Variants in DNAAF4 observed in about 807,000 individuals in gnomAD.
DNAAF4 encodes the protein dynein axonemal assembly factor 4.
In DNAAF4, 43 loss-of-function variants were observed where a neutral mutation model predicts 51.8. The observed-to-expected ratio is 0.83, with a 90% CI of 0.65 to 1.07. The LOEUF (loss-of-function observed/expected upper bound fraction) is 1.07. DNAAF4 is among the 50% of genes least tolerant of loss of function. The pLI, the probability that DNAAF4 is intolerant of heterozygous loss-of-function variation, is 0.00. For missense variants in DNAAF4, 581 were observed against 493.0 expected (o/e 1.18, Z -1.69); for synonymous variants, 194 against 165.6 (o/e 1.17, Z -1.32).
At position 55,430,360 on chromosome 15, in the gene DNAAF4, A is replaced by T; in HGVS notation, c.*310T>A. The T allele has an allele frequency of 4.1e-6, 4 of 983,970 alleles. No individual in the cohort carries two copies. The highest frequency in any genetic ancestry group is 4.8e-6 in the Non-Finnish European group (4 of 827,236). The allele number at this position is 983,970 out of a possible 1,614,324, so 61.0% of individuals were successfully genotyped here. A position where few individuals can be genotyped will look rare whatever the true frequency, so the allele number is the denominator to read the frequency against. ...TCTACCTTGTTAAAAATTAATCAGT[A>T]AGTGTCCTGGTAACTATACCAAAAC... On this transcript the variant is annotated 3_prime_UTR_variant, in exon 10 of 10. Transcript: ENST00000321149.
chr15:55,487,214 G>C (rs952311005), intron 4 of DNAAF4, among the ~76,000 whole-genome samples: 1 of 152,100 alleles, frequency 6.6e-6, no homozygotes, highest in Non-Finnish European at 1.5e-5. Flanking sequence ...TCAGCGCTCT[G>C]TGTCTAGCTA....
intron 5 of DNAAF4, among the ~76,000 whole-genome samples, chr15:55,451,491 C>CAAATAAATG (rs1329454865): frequency 5.3e-5 from 8 of 152,242 alleles, no homozygotes; most frequent in African/African-American, 1.9e-4. Context: ...ATACATTACT[C>CAAATAAATG]AAATAAATGT....
chr15:55,426,409 T>A (rs2057431105), downstream of DNAAF4, among the ~76,000 whole-genome samples: 1 of 152,194 alleles, frequency 6.6e-6, no homozygotes, highest in Non-Finnish European at 1.5e-5. Context: ...TGTTTCCAAC[T>A]ATAATCTATA....
chr15:55,435,923 G>C (rs2057601006), intron 7 of DNAAF4, among the ~76,000 whole-genome samples: 1 of 152,074 alleles, frequency 6.6e-6, no homozygotes, highest in Non-Finnish European at 1.5e-5. Context: ...TGAGTAGCTG[G>C]GATTACAGGC....
chr15:55,439,902 A>G (rs2057680333), intron 6 of DNAAF4, among the ~76,000 whole-genome samples: 1 of 152,166 alleles, frequency 6.6e-6, no homozygotes, highest in South Asian at 2.1e-4. Context: ...GGTGTCCGCA[A>G]GTTATGATGA....
At chr15:55,434,867 T>C in intron 8 of DNAAF4, 38 bp downstream of exon 8, 1 of 1,442,974 alleles carries the variant, frequency 6.9e-7, no homozygotes, top group South Asian at 1.5e-5. Flanking sequence ...TAGAAGGATA[T>C]ATTTAAAGCA....
At chr15:55,473,530 C>G (rs1159534416) in intron 4 of DNAAF4, among the ~76,000 whole-genome samples, 1 of 149,416 alleles carries the variant, frequency 6.7e-6, no homozygotes, top group East Asian at 2.0e-4. Flanking sequence ...TATAATACAC[C>G]TTGATCAAAT....
In DNAAF4 at chr15:55,492,625, C is replaced by T. The variant is rs569553789; in HGVS notation, c.272-1369G>A. Among the ~76,000 whole-genome samples the T allele has an allele frequency of 7.9e-5, 12 of 152,046 alleles. No individual in the cohort carries two copies. In the South Asian group the frequency reaches 2.3e-3, roughly 29 times the overall value. On this transcript the variant is annotated intron_variant, in intron 3 of 9. Transcript: ENST00000321149. ...TCCGATCTCAGCTCACTGCAACCCC[C>T]GCCTCCTGGGTTCAAGCAATTCTCC...
chr15:55,473,374 T>A (rs1034601265), intron 4 of DNAAF4, among the ~76,000 whole-genome samples: 7 of 147,612 alleles, frequency 4.7e-5, no homozygotes, highest in African/African-American at 1.7e-4. Flanking sequence ...TGTGTGTATA[T>A]ATATATATAT....
At position 55,480,440 on chromosome 15, in the gene DNAAF4, G is replaced by A. The variant is rs554518679; in HGVS notation, c.405+10683C>T. Among the ~76,000 whole-genome samples the A allele has an allele frequency of 7.9e-5, 12 of 152,190 alleles. No individual in the cohort carries two copies. In the South Asian group the frequency reaches 1.7e-3, roughly 21 times the overall value. ...CAAGCTAACCTACATGTTCATCATA[G>A]AGAACAATTTTTGTCTTGAAAAACA... is the stretch of plus-strand genomic sequence containing the variant. On this transcript the variant is annotated intron_variant, in intron 4 of 9. Coordinates refer to ENST00000321149, the MANE Select transcript of DNAAF4 (RefSeq NM_130810.4).
downstream of DNAAF4, among the ~76,000 whole-genome samples, chr15:55,427,313 G>A (rs368717250): frequency 1.5e-4 from 23 of 152,148 alleles, 1 homozygote; most frequent in Admixed American, 7.2e-4. Flanking sequence ...TGATCCACTC[G>A]CCTAAGCCTC....
chr15:55,496,457 T>G (rs1173615125), intron 3 of DNAAF4, among the ~76,000 whole-genome samples: 3 of 152,178 alleles, frequency 2.0e-5, no homozygotes, highest in Admixed American at 2.0e-4. Flanking sequence ...TGCCAGTCAC[T>G]AGCTGTGTGA....
chr15:55,475,998 A>G (rs1422635007), intron 4 of DNAAF4, among the ~76,000 whole-genome samples: 2 of 152,224 alleles, frequency 1.3e-5, no homozygotes, highest in Non-Finnish European at 2.9e-5. Context: ...AATGGATAGA[A>G]GACAATGAAA....
Position 55,498,223 on chromosome 15 carries a change from G to T in DNAAF4, c.107C>A (p.Thr36Lys). The T allele has an allele frequency of 6.2e-7, 1 of 1,613,938 alleles. No homozygotes were observed. The highest frequency in any genetic ancestry group is 8.5e-7 in the Non-Finnish European group (1 of 1,179,934). Residue 36 changes from threonine to lysine, a missense_variant, in exon 2 of 10, where the codon ACG (threonine) becomes AAG (lysine). Coordinates refer to ENST00000321149, the MANE Select transcript of DNAAF4 (RefSeq NM_130810.4). ...VCVRDTDVFC[T>K]ENYLKVNFPP... The stretch of plus-strand genomic sequence containing the variant: ...CATTCTTACCTTCAGATAGTTTTCC[G>T]TGCAGAACACGTCCGTGTCTCTGAC...
At chr15:55,487,645 C>T (rs545415240) in intron 4 of DNAAF4, among the ~76,000 whole-genome samples, 2 of 152,002 alleles carry the variant, frequency 1.3e-5, no homozygotes, top group East Asian at 1.9e-4. Flanking sequence ...AGCAAGACCA[C>T]GAACCTACCG....
At position 55,503,082 on chromosome 15, in the gene DNAAF4, A is replaced by G. The variant is rs191008447; in HGVS notation, c.-255-4498T>C. Among the ~76,000 whole-genome samples the G allele has an allele frequency of 5.4e-3, 819 of 152,306 alleles. 6 individuals carry two copies. The highest frequency in any genetic ancestry group is 0.012 in the South Asian group (60 of 4,824). On this transcript the variant is annotated intron_variant, in intron 1 of 9. Coordinates refer to ENST00000321149, the MANE Select transcript of DNAAF4 (RefSeq NM_130810.4). The stretch of plus-strand genomic sequence containing the variant: ...AATCAAATAGACGCAATAAAAAATG[A>G]TAAACGGGATATCACCACCGATACC...
Position 55,467,720 on chromosome 15 carries a change from C to A in DNAAF4, c.406-559G>T, listed in dbSNP as rs115183389. Among the ~76,000 whole-genome samples, 1,390 of 152,208 alleles carry A rather than the reference C, an allele frequency of 9.1e-3. 18 individuals are homozygous for A. Among genetic ancestry groups the A allele is most frequent in the African/African-American group, 0.031 (1,308 of 41,546 alleles). ...GAAGGATGAACAAGACGGTCTGTCT[C>A]TGCTGGGTGGAAATATTTGAAGTCT... On this transcript the variant is annotated intron_variant, in intron 4 of 9. Transcript: ENST00000321149.
At chr15:55,507,511 A>C (rs1372434362) in intron 1 of DNAAF4, among the ~76,000 whole-genome samples, 1 of 152,204 alleles carries the variant, frequency 6.6e-6, no homozygotes, top group Non-Finnish European at 1.5e-5. Flanking sequence ...TTTCTACTGA[A>C]TGCATATAGC....
intron 6 of DNAAF4, among the ~76,000 whole-genome samples, chr15:55,446,612 C>G (rs1446430497): frequency 7.5e-6 from 1 of 133,296 alleles, no homozygotes; most frequent in Admixed American, 7.9e-5. Context: ...CCAGACAGGG[C>G]GGCCGAGCAG....
Sources: allele counts gnomAD v4.1 joint callset (sites outside exome capture counted in the v4.1 genomes callset), GRCh38; gene constraint gnomAD v4.1.1; transcripts MANE v1.5; gene names NCBI Gene and HGNC (gene_info 2026-07-23, HGNC 2026-07-21).